Variants in DOCK9 observed in about 807,000 individuals in gnomAD.
The protein encoded by DOCK9 is dedicator of cytokinesis 9.
A neutral mutation model predicts 263.3 loss-of-function variants in DOCK9; 89 were observed. That is an observed-to-expected ratio of 0.34 (90% CI 0.28 to 0.40). The LOEUF (loss-of-function observed/expected upper bound fraction) is 0.40. Among genes scored for constraint, DOCK9 ranks in the 10% least tolerant of loss-of-function variants. The pLI is 1.00. For synonymous variants in DOCK9, 976 were observed against 973.1 expected (o/e 1.00, Z -0.06); for missense variants, 2,140 against 2,603.4 (o/e 0.82, Z 3.87).
rs572862999 is a variant in DOCK9, at chr13:98,881,840, C to T, written c.2675+52G>A. 4.3e-5 allele frequency: 62 copies of T among 1,455,622 alleles called. No homozygotes were observed. In the African/African-American group the frequency reaches 7.3e-4, roughly 17 times the overall value. The allele number at this position is 1,455,622 out of a possible 1,614,324, so 90.2% of individuals were successfully genotyped here. ...CATCCCAGCTATGCATGACTATGCT[C>T]CAGATGTGGACAGACTAGAAGTGAG... On this transcript the variant is annotated intron_variant, in intron 24 of 52. Transcript: ENST00000682017.
At chr13:98,800,264 T>C (rs1206301814) in intron 50 of DOCK9, 24 bp downstream of exon 50, 1 of 1,565,446 alleles carries the variant, frequency 6.4e-7, no homozygotes, top group Middle Eastern at 1.7e-4. Context: ...CCTGCTGCCC[T>C]CCGGCCTGCT....
chr13:98,845,355 CT>C, intron 38 of DOCK9: 1 of 1,359,974 alleles, frequency 7.4e-7, no homozygotes. Context: ...TCCAAGCACA[CT>C]TGATATCTTT....
intron 3 of DOCK9, among the ~76,000 whole-genome samples, chr13:98,928,551 G>C (rs922456794): frequency 6.6e-6 from 1 of 152,208 alleles, no homozygotes; most frequent in African/African-American, 2.4e-5. Flanking sequence ...AATCAACTGG[G>C]AGAACTGAGT....
chr13:98,820,985 T>C (rs1367831187), intron 45 of DOCK9, among the ~76,000 whole-genome samples: 1 of 152,152 alleles, frequency 6.6e-6, no homozygotes, highest in Non-Finnish European at 1.5e-5. Flanking sequence ...GCTGGAAACA[T>C]AGTTGAGTGG....
chr13:98,839,602 C>G (rs1284093993), intron 38 of DOCK9, among the ~76,000 whole-genome samples: 1 of 152,204 alleles, frequency 6.6e-6, no homozygotes, highest in Non-Finnish European at 1.5e-5. Flanking sequence ...ATTTTAATTC[C>G]TTTCTCTGCA....
rs2047630075 is a variant in DOCK9 at position 98,897,569 on chromosome 13, G to T, written c.1628C>A (p.Ala543Asp). ...KDASGNLDKN[A>D]RFSAIYRQDS... ...TTGCCTGTAGATGGCAGAAAATCTG[G>T]CATTTTTGTCAAGATTTCCAGATGC... The change falls in exon 15 of 53, where the codon GCC becomes GAC. Residue 543 changes from alanine to aspartate, a missense_variant. Physicochemically the swap from Ala to Asp is moderately radical, Grantham distance 126. Around this residue, in one of 2 missense-constraint regions of DOCK9, gnomAD observed 1,521 missense variants for 1,741.7 expected, o/e 0.87. Coordinates refer to ENST00000682017, the MANE Select transcript of DOCK9 (RefSeq NM_001366683.2). 6.2e-7 allele frequency: 1 copy of T among 1,613,884 alleles called. No individual in the cohort carries two copies. Among genetic ancestry groups the T allele is most frequent in the African/African-American group, 1.3e-5 (1 of 75,042 alleles).
chr13:98,831,240 G>T, intron 41 of DOCK9, 108 bp downstream of exon 41: 2 of 1,237,168 alleles, frequency 1.6e-6, no homozygotes, highest in Non-Finnish European at 2.2e-6. Flanking sequence ...TCCAGATCTT[G>T]CAGTATCTTT....
intron 32 of DOCK9, among the ~76,000 whole-genome samples, 179 bp from the exon 33 acceptor site, chr13:98,860,701 G>T (rs1294677111): frequency 6.6e-6 from 1 of 150,994 alleles, no homozygotes; most frequent in Non-Finnish European, 1.5e-5. Context: ...TGGGTCAGAG[G>T]GGGAGCAGGG....
intron 47 of DOCK9, 64 bp downstream of exon 47, chr13:98,809,288 T>TTG (rs2091057862): frequency 7.2e-7 from 1 of 1,382,144 alleles, no homozygotes; most frequent in South Asian, 1.3e-5. Flanking sequence ...GTTTTTTTTT[T>TTG]GTTTTTGTTT....
Position 98,881,591 on chromosome 13 carries a change from T to C in DOCK9, c.2712A>G (p.Glu904=). ...ATGACCTCAAGTGGCTCTCCAATCC[T>C]TCCTCATGGCACTGGGCAACCACAT... The part of the protein sequence containing the change: ...IIHVVAQCHE[E]GLESHLRSYV... Residue 904 remains glutamate, a synonymous_variant, in exon 25 of 53, where the codon GAA becomes GAG. Coordinates refer to ENST00000682017, the MANE Select transcript of DOCK9 (RefSeq NM_001366683.2). 1 of 1,609,630 alleles carries C rather than the reference T, an allele frequency of 6.2e-7. No homozygotes were observed. Among genetic ancestry groups the C allele is most frequent in the Non-Finnish European group, 8.5e-7 (1 of 1,178,126 alleles).
At chr13:98,923,421 G>T in intron 4 of DOCK9, 50 bp from the exon 5 acceptor site, 1 of 1,499,386 alleles carries the variant, frequency 6.7e-7, no homozygotes, top group African/African-American at 1.4e-5. Context: ...AGTCAAGGAA[G>T]AGGCTTTGCA....
At chr13:99,001,115 A>C (rs906709594) in intron 1 of DOCK9, among the ~76,000 whole-genome samples, 3 of 152,212 alleles carry the variant, frequency 2.0e-5, no homozygotes, top group Non-Finnish European at 2.9e-5. Context: ...ATGAAGACTA[A>C]ACAATGATTC....
Position 98,813,474 on chromosome 13 carries a change from C to A in DOCK9, c.5131-3183G>T, listed in dbSNP as rs189121000. ...CTCTGTATGCATCTACTGAGAAAATCATATGGTTTTTCCTATTTATTCTGT... is the reference window on the plus strand; with the variant it reads ...CTCTGTATGCATCTACTGAGAAAATAATATGGTTTTTCCTATTTATTCTGT... On this transcript the variant is annotated intron_variant, in intron 45 of 52. Transcript: ENST00000682017. Among the ~76,000 whole-genome samples the A allele has an allele frequency of 6.6e-4, 100 of 152,152 alleles. 1 individual carries two copies. The highest frequency in any genetic ancestry group is 6.5e-3 in the Admixed American group (100 of 15,290).
chr13:99,064,583 A>G (rs921662822), intron 1 of DOCK9, among the ~76,000 whole-genome samples: 1 of 152,262 alleles, frequency 6.6e-6, no homozygotes, highest in Non-Finnish European at 1.5e-5. Context: ...GCAAAAAGGC[A>G]TAACAAAATA....
At chr13:99,000,798 A>G (rs1157630075) in intron 1 of DOCK9, among the ~76,000 whole-genome samples, 1 of 152,134 alleles carries the variant, frequency 6.6e-6, no homozygotes, top group East Asian at 1.9e-4. Context: ...TCTATTAGCT[A>G]TTTTTACCAT....
At chr13:98,933,877 T>C (rs1281264775) in intron 2 of DOCK9, among the ~76,000 whole-genome samples, 1 of 83,500 alleles carries the variant, frequency 1.2e-5, no homozygotes, top group African/African-American at 4.3e-5. Context: ...GTTGTTGTTG[T>C]TGTTGTTGTT....
rs375329630 is a variant in DOCK9, at chr13:99,025,868, T to G, written c.129+60355A>C. Among the ~76,000 whole-genome samples, 4 of 152,288 alleles carry G rather than the reference T, an allele frequency of 2.6e-5. No individual in the cohort carries two copies. In the East Asian group the frequency reaches 7.7e-4, roughly 29 times the overall value. On this transcript the variant is annotated intron_variant, in intron 1 of 32. Coordinates refer to the DOCK9 transcript ENST00000427887. ...ATATTATGTACCAACTTTTAAAAAA[T>G]GAAGTATGATCCATGCCACAGCATG...
chr13:98,940,688 CCTCT>C (rs889953297), intron 2 of DOCK9, among the ~76,000 whole-genome samples: 1 of 116,538 alleles, frequency 8.6e-6, no homozygotes, highest in African/African-American at 2.8e-5. Flanking sequence ...GCCTTCTCTG[CCTCT>C]CTAACTGCTC....
intron 1 of DOCK9, among the ~76,000 whole-genome samples, chr13:99,047,488 A>T (rs1210883276): frequency 2.7e-5 from 4 of 148,712 alleles, no homozygotes; most frequent in Admixed American, 6.7e-5. Context: ...TGAAAGTCAA[A>T]CTTTTTCTGA....
Sources: gnomAD v4.1 joint callset for allele counts (sites outside exome capture counted in the v4.1 genomes callset) on GRCh38, gnomAD v4.1.1 for gene constraint, gnomAD v4.1.1 regional missense constraint, MANE v1.5 for transcripts, NCBI Gene and HGNC (gene_info 2026-07-23, HGNC 2026-07-21) for gene names.